Variants in ABTB3 observed in about 807,000 individuals in gnomAD.
ABTB3 encodes ankyrin repeat- and BTB/POZ domain-containing protein 3.
the ABTB3 span, among the ~76,000 whole-genome samples, chr12:107,419,720 C>T: frequency 6.6e-6 from 1 of 152,166 alleles, no homozygotes; most frequent in Non-Finnish European, 1.5e-5. Flanking sequence ...AATACTTAGA[C>T]CTGGCATAGG....
At chr12:107,458,251 C>A in the ABTB3 span, among the ~76,000 whole-genome samples, 1 of 152,286 alleles carries the variant, frequency 6.6e-6, no homozygotes, top group African/African-American at 2.4e-5. Context: ...CGTCCCCACT[C>A]CCAGGGGAAT....
At chr12:107,465,242 G>T in the ABTB3 span, among the ~76,000 whole-genome samples, 1 of 152,126 alleles carries the variant, frequency 6.6e-6, no homozygotes, top group African/African-American at 2.4e-5. Flanking sequence ...ATATTAACCT[G>T]TTTACAGCCC....
chr12:107,569,375 A>C, the ABTB3 span, among the ~76,000 whole-genome samples: 1 of 152,202 alleles, frequency 6.6e-6, no homozygotes, highest in Non-Finnish European at 1.5e-5. Context: ...TAGAATGTCT[A>C]TATTGTTATT....
chr12:107,405,800 C>A, the ABTB3 span, among the ~76,000 whole-genome samples: 1 of 152,206 alleles, frequency 6.6e-6, no homozygotes, highest in East Asian at 1.9e-4. Flanking sequence ...CCTCCTAGGG[C>A]CCATCGTCTG....
At chr12:107,429,166 G>T in the ABTB3 span, among the ~76,000 whole-genome samples, 1 of 152,186 alleles carries the variant, frequency 6.6e-6, no homozygotes, top group East Asian at 1.9e-4. Context: ...CAGCTGGCAG[G>T]CATCCATTCT....
At chr12:107,510,844 C>G in the ABTB3 span, among the ~76,000 whole-genome samples, 1 of 152,100 alleles carries the variant, frequency 6.6e-6, no homozygotes, top group Non-Finnish European at 1.5e-5. Flanking sequence ...ATGGCTTGAG[C>G]CTGGGAGGTG....
chr12:107,507,987 AG>A, the ABTB3 span, among the ~76,000 whole-genome samples: 1 of 152,192 alleles, frequency 6.6e-6, no homozygotes. Flanking sequence ...GAGTTTCTCA[AG>A]GGGAAGATCT....
chr12:107,489,376 C>T, the ABTB3 span, among the ~76,000 whole-genome samples: 1 of 152,116 alleles, frequency 6.6e-6, no homozygotes, highest in Admixed American at 6.5e-5. Flanking sequence ...CAAAACCAGC[C>T]GGGCGTGGTG....
the ABTB3 span, among the ~76,000 whole-genome samples, chr12:107,404,452 T>C: frequency 2.5e-4 from 38 of 152,274 alleles, no homozygotes; most frequent in African/African-American, 8.9e-4. Flanking sequence ...ATGTGGTGGC[T>C]GGGCCATCTC....
chr12:107,552,356 T>C, the ABTB3 span, among the ~76,000 whole-genome samples: 2 of 152,208 alleles, frequency 1.3e-5, no homozygotes, highest in African/African-American at 4.8e-5. Flanking sequence ...ACTTATTAAA[T>C]AAAATGTGAC....
At chr12:107,618,201 A>T in the ABTB3 span, 1 of 1,614,120 alleles carries the variant, frequency 6.2e-7, no homozygotes, top group Non-Finnish European at 8.5e-7. Flanking sequence ...GAAGGAGAAG[A>T]GTGATATCCT....
chr12:107,403,550 A>G, the ABTB3 span, among the ~76,000 whole-genome samples: 1 of 152,216 alleles, frequency 6.6e-6, no homozygotes, highest in Non-Finnish European at 1.5e-5. Context: ...TAGGGAGAAT[A>G]AAATGAGATC....
the ABTB3 span, chr12:107,319,352 C>A: frequency 9.0e-6 from 14 of 1,557,286 alleles, no homozygotes; most frequent in Admixed American, 1.2e-4. Flanking sequence ...GCTGGTGAGC[C>A]GGGCGCTGGT....
the ABTB3 span, among the ~76,000 whole-genome samples, chr12:107,441,498 G>A: frequency 2.0e-5 from 3 of 152,142 alleles, no homozygotes; most frequent in South Asian, 4.1e-4. Context: ...AGGAAAAATA[G>A]CTAATGCATG....
the ABTB3 span, among the ~76,000 whole-genome samples, chr12:107,656,133 A>T: frequency 8.2e-6 from 1 of 121,824 alleles, no homozygotes; most frequent in African/African-American, 3.4e-5. Context: ...ATTAAAAAAA[A>T]TACAAAAAAA....
At chr12:107,501,580 G>T in the ABTB3 span, among the ~76,000 whole-genome samples, 1 of 152,056 alleles carries the variant, frequency 6.6e-6, no homozygotes, top group African/African-American at 2.4e-5. Context: ...TGTGCCTGTA[G>T]TCCCAGCTAC....
At chr12:107,458,692 C>A in the ABTB3 span, among the ~76,000 whole-genome samples, 2 of 152,110 alleles carry the variant, frequency 1.3e-5, no homozygotes, top group African/African-American at 4.8e-5. Context: ...CTGGGGAGTA[C>A]CTGTGGGCAG....
the ABTB3 span, among the ~76,000 whole-genome samples, chr12:107,410,945 C>A: frequency 8.5e-5 from 13 of 152,278 alleles, no homozygotes; most frequent in African/African-American, 2.9e-4. Flanking sequence ...TACCTGCAGA[C>A]AACATCTAGA....
chr12:107,519,677 A>G, the ABTB3 span, among the ~76,000 whole-genome samples: 1 of 152,174 alleles, frequency 6.6e-6, no homozygotes, highest in African/African-American at 2.4e-5. Flanking sequence ...CAATTTTACA[A>G]GTACTCTTCA....
Sources: gnomAD v4.1 joint callset for allele counts (sites outside exome capture counted in the v4.1 genomes callset) on GRCh38, gnomAD v4.1.1 for gene constraint, MANE v1.5 for transcripts, NCBI Gene and HGNC (gene_info 2026-07-23, HGNC 2026-07-21) for gene names.